GRAMD2A: variants seen among roughly 807,000 people sequenced by gnomAD.
GRAMD2A encodes GRAM domain-containing protein 2A.
A neutral mutation model predicts 51.1 loss-of-function variants in GRAMD2A; 37 were observed. The ratio of observed to expected loss-of-function variants is 0.72; its 90% CI spans 0.56 to 0.95. The LOEUF (loss-of-function observed/expected upper bound fraction) is 0.95, where lower values mean the gene tolerates loss of function less well. GRAMD2A is among the 40% of genes least tolerant of loss of function. The pLI is 0.00. For synonymous variants in GRAMD2A, 136 were observed against 157.1 expected, an observed-to-expected ratio of 0.87 and a Z score of 1.01; for missense variants, 414 against 426.9, an observed-to-expected ratio of 0.97 and a Z score of 0.27.
chr15:72,194,553 T>C (rs2081791499), intron 1 of GRAMD2A, among the ~76,000 whole-genome samples: 1 of 152,068 alleles, frequency 6.6e-6, no homozygotes, highest in African/African-American at 2.4e-5. Context: ...CTTAACAGAG[T>C]TCATGGTGGA....
chr15:72,179,766 G>A (rs772688579), intron 1 of GRAMD2A, among the ~76,000 whole-genome samples: 14 of 152,152 alleles, frequency 9.2e-5, no homozygotes, highest in Non-Finnish European at 1.9e-4. Context: ...ACTGGTGAGC[G>A]CTGTGTTAGC....
At position 72,166,622 on chromosome 15, in the gene GRAMD2A, A is replaced by G. The variant is rs778670432; in HGVS notation, c.543+10T>C. 3 of 1,610,698 alleles carry G rather than the reference A, an allele frequency of 1.9e-6. No homozygotes were observed. In the African/African-American group the frequency reaches 4.0e-5, roughly 22 times the overall value. ...GACTTCCCTGGCCTTCCTGCTCCCAAGCTCCATACCTGTAGGTGGGTGCAG... is the reference window on the plus strand; with the variant it reads ...GACTTCCCTGGCCTTCCTGCTCCCAGGCTCCATACCTGTAGGTGGGTGCAG... On this transcript the variant is annotated intron_variant, in intron 7 of 11. Transcript: ENST00000309731. This position sits in a 1 kb window ranked among gnomAD's most constrained non-coding sequence, Gnocchi z 4.1.
At chr15:72,185,168 A>G (rs2081726270) in intron 1 of GRAMD2A, among the ~76,000 whole-genome samples, 1 of 152,036 alleles carries the variant, frequency 6.6e-6, no homozygotes, top group Non-Finnish European at 1.5e-5. Context: ...TCATATGACA[A>G]CAAAAATATA....
intron 1 of GRAMD2A, among the ~76,000 whole-genome samples, chr15:72,179,336 C>G (rs1031658632): frequency 1.3e-5 from 2 of 152,234 alleles, no homozygotes; most frequent in African/African-American, 4.8e-5. Context: ...GCCGGCCTGT[C>G]AGATTCCCTT....
At chr15:72,179,054 T>G (rs1273438852) in intron 1 of GRAMD2A, among the ~76,000 whole-genome samples, 1 of 152,196 alleles carries the variant, frequency 6.6e-6, no homozygotes, top group Non-Finnish European at 1.5e-5. Flanking sequence ...TCAGCTCCCC[T>G]GGCAGCGGGC....
At chr15:72,172,361 G>A (rs1289433492) in intron 1 of GRAMD2A, among the ~76,000 whole-genome samples, 2 of 149,410 alleles carry the variant, frequency 1.3e-5, no homozygotes, top group African/African-American at 2.5e-5. Flanking sequence ...GAGCTCAATC[G>A]TCCCACCTCA....
intron 1 of GRAMD2A, 23 bp downstream of exon 1, chr15:72,197,708 G>GC: frequency 1.5e-6 from 2 of 1,308,848 alleles, no homozygotes; most frequent in South Asian, 2.0e-5. Context: ...CCCGAGACCG[G>GC]CCCCCGGGCC....
intron 1 of GRAMD2A, among the ~76,000 whole-genome samples, chr15:72,179,950 C>T (rs574588586): frequency 2.6e-5 from 4 of 152,328 alleles, no homozygotes; most frequent in African/African-American, 9.6e-5. Flanking sequence ...AAGGCCCTCT[C>T]TACACCTGGG....
At position 72,167,085 on chromosome 15, in the gene GRAMD2A, A is replaced by G; in HGVS notation, c.380T>C (p.Ile127Thr). The change falls in exon 6 of 12, where the codon ATT (isoleucine) becomes ACT (threonine). Residue 127 changes from isoleucine to threonine, a missense_variant. Coordinates refer to ENST00000309731, the MANE Select transcript of GRAMD2A (RefSeq NM_001012642.3). ...SLFGKDIKVVIPVVSVQMIKK... is the reference protein window; with the variant it reads ...SLFGKDIKVVTPVVSVQMIKK... ...GATCATTTGCACAGACACCACAGGA[A>G]TGACCACCTGAGAGGGAGAGGGATG... 6.2e-7 allele frequency: 1 copy of G among 1,612,600 alleles called. No homozygotes were observed. Among genetic ancestry groups the G allele is most frequent in the Non-Finnish European group, 8.5e-7 (1 of 1,178,592 alleles).
intron 10 of GRAMD2A, 113 bp downstream of exon 10, chr15:72,163,153 C>T: frequency 1.4e-6 from 1 of 706,316 alleles, no homozygotes; most frequent in South Asian, 1.8e-5. Flanking sequence ...TTGAATTTGA[C>T]TCAGAAACTT....
At chr15:72,195,220 T>C (rs979599092) in intron 1 of GRAMD2A, among the ~76,000 whole-genome samples, 1 of 152,358 alleles carries the variant, frequency 6.6e-6, no homozygotes, top group East Asian at 1.9e-4. Context: ...GATGACTGCA[T>C]GCAGAAGGCC....
At chr15:72,188,384 G>GA (rs1314948201) in intron 1 of GRAMD2A, among the ~76,000 whole-genome samples, 1 of 150,522 alleles carries the variant, frequency 6.6e-6, no homozygotes, top group African/African-American at 2.4e-5. Context: ...AGTTAGAGGA[G>GA]AAAAAAAGGA....
At position 72,167,785 on chromosome 15, in the gene GRAMD2A, G is replaced by A. The variant is rs917642286; in HGVS notation, c.323C>T (p.Ser108Phe). The change falls in exon 5 of 12, where the codon TCC becomes TTC. Residue 108 changes from serine (S) to phenylalanine (F), a missense_variant. Physicochemically the swap from Ser to Phe is radical, Grantham distance 155 (BLOSUM62 -2). Coordinates refer to ENST00000309731, the MANE Select transcript of GRAMD2A (RefSeq NM_001012642.3). ...DFLLQGRLYI[S>F]PNWLCFHASL... ...GGCATGGAAGCAGAGCCAGTTGGGG[G>A]AGATGTAGAGCCGGCCCTGGAGGAG... The A allele has an allele frequency of 2.5e-6, 4 of 1,614,188 alleles. No individual in the cohort carries two copies. Among genetic ancestry groups the A allele is most frequent in the Non-Finnish European group, 3.4e-6 (4 of 1,180,016 alleles).
At chr15:72,193,982 T>C (rs1480385399) in intron 1 of GRAMD2A, among the ~76,000 whole-genome samples, 1 of 152,226 alleles carries the variant, frequency 6.6e-6, no homozygotes, top group East Asian at 1.9e-4. Flanking sequence ...TACTTCTTAA[T>C]TACACAGGAA....
At chr15:72,193,270 C>A (rs1183335850) in intron 1 of GRAMD2A, among the ~76,000 whole-genome samples, 1 of 150,578 alleles carries the variant, frequency 6.6e-6, no homozygotes, top group Non-Finnish European at 1.5e-5. Flanking sequence ...GGCTGGAGTG[C>A]AAATGGTGTG....
At position 72,197,775 on chromosome 15, in the gene GRAMD2A, G is replaced by A. The variant is rs746903661; in HGVS notation, c.-4C>T. On this transcript the variant is annotated 5_prime_UTR_variant, in exon 1 of 12. Coordinates refer to ENST00000309731, the MANE Select transcript of GRAMD2A (RefSeq NM_001012642.3). ...CGCTCCGGCTTAAAGCGGTCATCCC[G>A]GCGCCTGCACCCAGCGCCCCGACCG... 2.8e-5 allele frequency: 37 copies of A among 1,306,388 alleles called. No individual in the cohort carries two copies. Among genetic ancestry groups the A allele is most frequent in the Non-Finnish European group, 3.5e-5 (36 of 1,020,024 alleles). The allele number at this position is 1,306,388 out of a possible 1,614,324, so 80.9% of individuals were successfully genotyped here.
chr15:72,195,758 A>C (rs981558636), intron 1 of GRAMD2A, among the ~76,000 whole-genome samples: 6 of 151,958 alleles, frequency 3.9e-5, no homozygotes, highest in African/African-American at 1.4e-4. Flanking sequence ...CGTCTCTACT[A>C]AAAAATACAA....
intron 1 of GRAMD2A, among the ~76,000 whole-genome samples, chr15:72,171,644 T>C (rs531711450): frequency 6.6e-6 from 1 of 152,296 alleles, no homozygotes; most frequent in South Asian, 2.1e-4. Context: ...TCGCTCACCT[T>C]TGCAAATCTG....
chr15:72,162,427 AT>A (rs1182641537), intron 10 of GRAMD2A, 50 bp from the exon 11 acceptor site: 22 of 1,406,996 alleles, frequency 1.6e-5, no homozygotes, highest in African/African-American at 7.1e-5. Context: ...CAGAAAGAGC[AT>A]TTCTGGAAGT....
Sources: allele counts gnomAD v4.1 joint callset (sites outside exome capture counted in the v4.1 genomes callset), GRCh38; gene constraint gnomAD v4.1.1; non-coding constraint Gnocchi (gnomAD v3.1); transcripts MANE v1.5; gene names NCBI Gene and HGNC (gene_info 2026-07-23, HGNC 2026-07-21).